The following RWDD2B variants were observed in gnomAD, a reference collection of about 807,000 sequenced individuals.
RWDD2B encodes the protein RWD domain containing 2B.
Under a neutral mutation model 33.6 loss-of-function variants are expected in RWDD2B, and 36 were observed. The observed-to-expected ratio is 1.07, with a 90% CI of 0.82 to 1.42. The LOEUF (loss-of-function observed/expected upper bound fraction) is 1.42, where lower values mean the gene tolerates loss of function less well. Among genes scored for constraint, RWDD2B ranks in the 40% most tolerant of loss-of-function variants. RWDD2B has a pLI of 0.00. For synonymous variants in RWDD2B, 126 were observed against 133.1 expected (o/e 0.95, Z 0.37); for missense variants, 364 against 377.5 (o/e 0.96, Z 0.30).
chr21:29,018,625 T>G (rs1184216794), intron 1 of RWDD2B, among the ~76,000 whole-genome samples: 2 of 152,156 alleles, frequency 1.3e-5, no homozygotes, highest in African/African-American at 4.8e-5. Flanking sequence ...TATTTTCGCT[T>G]AAGAGATTTC....
chr21:29,014,040 A>G (rs543152371), intron 1 of RWDD2B, among the ~76,000 whole-genome samples: 2 of 152,358 alleles, frequency 1.3e-5, no homozygotes, highest in African/African-American at 4.8e-5. Flanking sequence ...TGTTACGATA[A>G]CAGACTACCT....
At chr21:29,014,014 A>G (rs927454201) in intron 1 of RWDD2B, among the ~76,000 whole-genome samples, 5 of 152,180 alleles carry the variant, frequency 3.3e-5, no homozygotes, top group African/African-American at 7.2e-5. Flanking sequence ...ATTGGATGTT[A>G]TATTAGTTCA....
intron 1 of RWDD2B, among the ~76,000 whole-genome samples, chr21:29,012,534 C>T (rs1362495202): frequency 6.6e-6 from 1 of 151,710 alleles, no homozygotes; most frequent in African/African-American, 2.4e-5. Context: ...GGATTAAGGG[C>T]GGTGCAAGAT....
At chr21:29,012,417 G>C (rs1320214101) in intron 1 of RWDD2B, among the ~76,000 whole-genome samples, 1 of 152,112 alleles carries the variant, frequency 6.6e-6, no homozygotes, top group Non-Finnish European at 1.5e-5. Context: ...TTTTCATTTT[G>C]TTCTGTACTA....
In RWDD2B at chr21:29,008,422, C is replaced by T. The variant is rs2084840101; in HGVS notation, c.267G>A (p.Met89Ile). ...TTTTTTCGTCAGATACATCCAGGTT[C>T]ATATTGATAGTAAAGTAGACTTTTG... ...RSSKVYFTIN[M>I]NLDVSDEKMA... is the part of the protein sequence containing the mutation. Residue 89 changes from methionine (M) to isoleucine (I), a missense_variant, in exon 2 of 5, where the codon ATG (methionine) becomes ATA (isoleucine). By Grantham distance (10) the Met-to-Ile change is conservative (BLOSUM62 1). Coordinates refer to ENST00000493196, the MANE Select transcript of RWDD2B (RefSeq NM_016940.3). 6.2e-7 allele frequency: 1 copy of T among 1,614,204 alleles called. No individual in the cohort carries two copies. Among genetic ancestry groups the T allele is most frequent in the Non-Finnish European group, 8.5e-7 (1 of 1,180,020 alleles).
At chr21:29,016,965 AC>A (rs1231554172) in intron 1 of RWDD2B, among the ~76,000 whole-genome samples, 4 of 126,670 alleles carry the variant, frequency 3.2e-5, no homozygotes, top group African/African-American at 1.0e-4. Context: ...AATTAAAAAA[AC>A]CTTTTTTTTT....
intron 1 of RWDD2B, among the ~76,000 whole-genome samples, chr21:29,013,433 TA>T (rs1336327643): frequency 2.6e-5 from 4 of 152,182 alleles, no homozygotes; most frequent in Non-Finnish European, 5.9e-5. Context: ...CTCACGCCTG[TA>T]ATCCCAACAC....
At chr21:29,012,151 G>A (rs1424101878) in intron 1 of RWDD2B, among the ~76,000 whole-genome samples, 5 of 127,714 alleles carry the variant, frequency 3.9e-5, no homozygotes, top group South Asian at 2.7e-4. Flanking sequence ...CAGCCGCCCC[G>A]TCCGGGAGGG....
Position 29,007,814 on chromosome 21 carries a change from A to G in RWDD2B, c.672T>C (p.Pro224=). The G allele has an allele frequency of 6.2e-7, 1 of 1,614,248 alleles. No homozygotes were observed. The highest frequency in any genetic ancestry group is 8.5e-7 in the Non-Finnish European group (1 of 1,180,030). ...GTGGGCCTTCCACACAAACAACACCAGGTTTTCCAGGCATGCTAAACCCAG... is the reference window on the plus strand; with the variant it reads ...GTGGGCCTTCCACACAAACAACACCGGGTTTTCCAGGCATGCTAAACCCAG... ...SLSGFSMPGK[P]GVVCVEGPQS... Residue 224 remains proline (P), a synonymous_variant, in exon 4 of 5, where the codon CCT becomes CCC. Coordinates refer to ENST00000493196, the MANE Select transcript of RWDD2B (RefSeq NM_016940.3).
At position 29,006,299 on chromosome 21, in the gene RWDD2B, C is replaced by T. The variant is rs528931570; in HGVS notation, c.*118G>A. ...TCAGCTATACTATTTTTTCTTGTGC[C>T]CCACTCCCCAACATTCTAGAATGGA... On this transcript the variant is annotated 3_prime_UTR_variant, in exon 5 of 5. Coordinates refer to ENST00000493196, the MANE Select transcript of RWDD2B (RefSeq NM_016940.3). The T allele has an allele frequency of 1.5e-4, 92 of 604,918 alleles. 4 individuals are homozygous for T. In the South Asian group the frequency reaches 2.3e-3, roughly 15 times the overall value. 37.5% of individuals were successfully genotyped at this position (604,918 alleles called of 1,614,324 possible). A position where few individuals can be genotyped will look rare whatever the true frequency, so the allele number is the denominator to read the frequency against.
chr21:29,010,510 T>TCAGGTGGGAG (rs1177641462), intron 1 of RWDD2B, among the ~76,000 whole-genome samples: 1 of 133,660 alleles, frequency 7.5e-6, no homozygotes, highest in African/African-American at 2.8e-5. Context: ...CTTGGGAGGC[T>TCAGGTGGGAG]GAGACAGAAT....
In RWDD2B at chr21:29,006,255, C is replaced by T; in HGVS notation, c.*162G>A. 1 of 509,666 alleles carries T rather than the reference C, an allele frequency of 2.0e-6. No individual in the cohort carries two copies. Among genetic ancestry groups the T allele is most frequent in the South Asian group, 3.4e-5 (1 of 29,310 alleles). The allele number at this position is 509,666 out of a possible 1,614,324, so 31.6% of individuals were successfully genotyped here. ...AACTCAGTTCTGCTTTCAATCATGA[C>T]ATTTTTAACAGATGCATTTCAGCTA... On this transcript the variant is annotated 3_prime_UTR_variant, in exon 5 of 5. Coordinates refer to ENST00000493196, the MANE Select transcript of RWDD2B (RefSeq NM_016940.3).
chr21:29,010,945 C>T (rs1186798955), intron 1 of RWDD2B, among the ~76,000 whole-genome samples: 1 of 152,218 alleles, frequency 6.6e-6, no homozygotes, highest in Non-Finnish European at 1.5e-5. Flanking sequence ...GCGGGGATTG[C>T]AGACGGAGTC....
At chr21:29,017,953 G>A (rs939902069) in intron 1 of RWDD2B, among the ~76,000 whole-genome samples, 2 of 152,190 alleles carry the variant, frequency 1.3e-5, no homozygotes, top group African/African-American at 4.8e-5. Flanking sequence ...TTTATGTTGG[G>A]ACTAGTAAAG....
At chr21:29,008,331 G>T (rs1205839150) in intron 2 of RWDD2B, 24 bp from the exon 3 acceptor site, 4 of 1,613,242 alleles carry the variant, frequency 2.5e-6, no homozygotes, top group Non-Finnish European at 3.4e-6. Context: ...AGAAGAAAAA[G>T]TGCACTAACC....
rs779639678 is a variant in RWDD2B, at chr21:29,006,435, A to G, written c.942T>C (p.Phe314=). ...CTTGATGTCATTGTCCTTCTACACC[A>G]AAGAACATCTGGAAAACATCCCCAC... ...KGCGDVFQMF[F]GVEGQ Residue 314 remains phenylalanine, a synonymous_variant, in exon 5 of 5, where the codon TTT becomes TTC. Transcript: ENST00000493196. The G allele has an allele frequency of 1.2e-6, 2 of 1,611,054 alleles. No homozygotes were observed. Among genetic ancestry groups the G allele is most frequent in the East Asian group, 2.2e-5 (1 of 44,850 alleles).
intron 1 of RWDD2B, among the ~76,000 whole-genome samples, chr21:29,014,799 C>T (rs1054708016): frequency 5.3e-5 from 8 of 151,968 alleles, no homozygotes; most frequent in Middle Eastern, 3.4e-3. Context: ...CCAGCCTGGG[C>T]GGCAGAGCGA....
intron 1 of RWDD2B, among the ~76,000 whole-genome samples, chr21:29,012,344 G>A (rs1220984061): frequency 1.3e-5 from 2 of 152,172 alleles, no homozygotes; most frequent in Non-Finnish European, 2.9e-5. Context: ...GGGAAAGGTG[G>A]GGAAAAGATT....
At chr21:29,015,325 G>C (rs1192427637) in intron 1 of RWDD2B, among the ~76,000 whole-genome samples, 1 of 133,898 alleles carries the variant, frequency 7.5e-6, no homozygotes, top group Non-Finnish European at 1.5e-5. Context: ...CCACCTCCCA[G>C]GTTCAAGCAA....
Sources: gnomAD v4.1 joint callset for allele counts (sites outside exome capture counted in the v4.1 genomes callset) on GRCh38, gnomAD v4.1.1 for gene constraint, MANE v1.5 for transcripts, NCBI Gene and HGNC (gene_info 2026-07-23, HGNC 2026-07-21) for gene names.